S100Z: variants seen among roughly 807,000 people sequenced by gnomAD.
The protein encoded by S100Z is S100 calcium binding protein Z.
In S100Z, 11 loss-of-function variants were observed where a neutral mutation model predicts 8.5. That is an observed-to-expected ratio of 1.30 (90% CI 0.82 to 2.15). The LOEUF (loss-of-function observed/expected upper bound fraction) is 2.15. Among genes scored for constraint, S100Z ranks in the 30% most tolerant of loss-of-function variants. S100Z has a pLI of 0.00. For synonymous variants in S100Z, 34 were observed against 43.8 expected (o/e 0.78, Z 0.89); for missense variants, 126 against 117.9 (o/e 1.07, Z -0.32).
chr5:76,888,038 A>C (rs1743709732), intron 4 of S100Z, among the ~76,000 whole-genome samples: 1 of 151,878 alleles, frequency 6.6e-6, no homozygotes, highest in South Asian at 2.1e-4. Context: ...CGGGTGGATC[A>C]TGAGGTCAGG....
chr5:76,938,193 T>C, the S100Z span, among the ~76,000 whole-genome samples: 2 of 152,344 alleles, frequency 1.3e-5, no homozygotes, highest in African/African-American at 2.4e-5. Flanking sequence ...AATGCCTGTC[T>C]ATTCAGATTC....
the S100Z span, among the ~76,000 whole-genome samples, chr5:76,944,318 G>A: frequency 6.6e-6 from 1 of 152,158 alleles, no homozygotes; most frequent in Non-Finnish European, 1.5e-5. Flanking sequence ...TTTTCTGTTA[G>A]GCACCTCCCA....
chr5:76,907,644 A>C (rs946747005), intron 4 of S100Z, among the ~76,000 whole-genome samples: 2 of 152,066 alleles, frequency 1.3e-5, no homozygotes, highest in African/African-American at 4.8e-5. Flanking sequence ...TGAGTCTTAA[A>C]ATTTTGTTCT....
At chr5:76,925,318 C>A (rs1745120798), downstream of S100Z, among the ~76,000 whole-genome samples, 1 of 152,152 alleles carries the variant, frequency 6.6e-6, no homozygotes, top group African/African-American at 2.4e-5. Flanking sequence ...CGCCAAGAGG[C>A]AGGGATGCTT....
chr5:76,875,384 A>G lies in S100Z; in HGVS notation c.25A>G (p.Met9Val), dbSNP rs1025604745. 2.5e-6 allele frequency: 4 copies of G among 1,613,000 alleles called. No individual in the cohort carries two copies. Among genetic ancestry groups the G allele is most frequent in the Non-Finnish European group, 3.4e-6 (4 of 1,179,480 alleles). MPTQLEMA[M>V]DTMIRIFHRY... ...CATGCCCACCCAGCTCGAGATGGCC[A>G]TGGACACCATGATTAGAATCTTCCA... The change falls in exon 3 of 5, where the codon ATG (methionine) becomes GTG (valine). Residue 9 changes from methionine to valine, a missense_variant. Transcript: ENST00000317593.
intron 3 of S100Z, among the ~76,000 whole-genome samples, chr5:76,875,838 G>A (rs1743172571): frequency 6.6e-6 from 1 of 152,138 alleles, no homozygotes; most frequent in African/African-American, 2.4e-5. Flanking sequence ...CTGGAGCTTG[G>A]TCCAGCTGTC....
At chr5:76,928,578 C>T in the S100Z span, among the ~76,000 whole-genome samples, 17 of 152,176 alleles carry the variant, frequency 1.1e-4, 1 homozygote, top group Admixed American at 1.0e-3. Flanking sequence ...CACACAGATT[C>T]CATCTTCCCT....
intron 1 of S100Z, among the ~76,000 whole-genome samples, chr5:76,855,005 G>T (rs1305348160): frequency 6.6e-6 from 1 of 152,216 alleles, no homozygotes; most frequent in East Asian, 1.9e-4. Context: ...TTCAAAGGTT[G>T]CAAGCTGTAA....
At chr5:76,868,429 A>G (rs938335981) in intron 1 of S100Z, among the ~76,000 whole-genome samples, 3 of 152,066 alleles carry the variant, frequency 2.0e-5, no homozygotes, top group African/African-American at 7.2e-5. Context: ...CAGCATTACA[A>G]TTTTCAATAT....
At chr5:76,912,617 C>A (rs1744707821) in intron 4 of S100Z, among the ~76,000 whole-genome samples, 2 of 152,204 alleles carry the variant, frequency 1.3e-5, no homozygotes, top group African/African-American at 4.8e-5. Context: ...ATCCTACATG[C>A]CCATGCTGTA....
chr5:76,931,825 A>T, the S100Z span, among the ~76,000 whole-genome samples: 1 of 152,208 alleles, frequency 6.6e-6, no homozygotes, highest in Non-Finnish European at 1.5e-5. Context: ...TTGTGCACAC[A>T]TAAGTCTCAG....
chr5:76,875,375 G>A lies in S100Z; in HGVS notation c.16G>A (p.Glu6Lys), dbSNP rs375372172. 6.2e-7 allele frequency: 1 copy of A among 1,611,932 alleles called. No individual in the cohort carries two copies. The highest frequency in any genetic ancestry group is 1.3e-5 in the African/African-American group (1 of 74,986). MPTQL[E>K]MAMDTMIRIF... ...TGCTGCCGACATGCCCACCCAGCTCGAGATGGCCATGGACACCATGATTAG... is the reference window on the plus strand; with the variant it reads ...TGCTGCCGACATGCCCACCCAGCTCAAGATGGCCATGGACACCATGATTAG... Residue 6 changes from glutamate to lysine, a missense_variant, in exon 3 of 5, where the codon GAG (glutamate) becomes AAG (lysine). Transcript: ENST00000317593.
intron 4 of S100Z, among the ~76,000 whole-genome samples, chr5:76,920,115 G>C (rs1744993823): frequency 6.6e-6 from 1 of 151,978 alleles, no homozygotes; most frequent in African/African-American, 2.4e-5. Context: ...TCACCATGTT[G>C]GCCAGACTGG....
At chr5:76,912,316 T>G (rs1255200983) in intron 4 of S100Z, among the ~76,000 whole-genome samples, 1 of 152,206 alleles carries the variant, frequency 6.6e-6, no homozygotes, top group Non-Finnish European at 1.5e-5. Flanking sequence ...CAATCGAGGA[T>G]GATCACCAAC....
chr5:76,863,702 C>A (rs1216805404), intron 1 of S100Z, among the ~76,000 whole-genome samples: 2 of 151,800 alleles, frequency 1.3e-5, no homozygotes, highest in East Asian at 3.9e-4. Context: ...CCACACCCAG[C>A]TAATTTTTTG....
chr5:76,873,263 A>T (rs1210344117), intron 2 of S100Z, among the ~76,000 whole-genome samples: 2 of 152,146 alleles, frequency 1.3e-5, no homozygotes, highest in Non-Finnish European at 2.9e-5. Flanking sequence ...ACTCCTAAGT[A>T]TTCAAAATAT....
chr5:76,859,118 T>G (rs1216943765), intron 1 of S100Z, among the ~76,000 whole-genome samples: 1 of 151,978 alleles, frequency 6.6e-6, no homozygotes. Context: ...TGTCTCAAAA[T>G]AATAATAATG....
chr5:76,922,729 C>T (rs957800553), downstream of S100Z, among the ~76,000 whole-genome samples: 160 of 152,094 alleles, frequency 1.1e-3, no homozygotes, highest in African/African-American at 3.6e-3. Flanking sequence ...TTCACCGTGT[C>T]AGCCAGGATG....
intron 4 of S100Z, among the ~76,000 whole-genome samples, chr5:76,908,818 C>T (rs1319433066): frequency 2.6e-5 from 4 of 152,218 alleles, no homozygotes; most frequent in African/African-American, 7.2e-5. Flanking sequence ...ATAGGACAGG[C>T]GTAAAGTCTC....
Sources: gnomAD v4.1 joint callset for allele counts (sites outside exome capture counted in the v4.1 genomes callset) on GRCh38, gnomAD v4.1.1 for gene constraint, MANE v1.5 for transcripts, NCBI Gene and HGNC (gene_info 2026-07-23, HGNC 2026-07-21) for gene names.